Variants in RASAL2 observed in about 807,000 individuals in gnomAD.
The protein encoded by RASAL2 is ras GTPase-activating protein nGAP.
Under a neutral mutation model 128.9 loss-of-function variants are expected in RASAL2, and 58 were observed. The observed-to-expected ratio is 0.45, with a 90% CI of 0.36 to 0.56. The LOEUF is 0.56. Among genes scored for constraint, RASAL2 ranks in the 20% least tolerant of loss-of-function variants. The probability of loss-of-function intolerance (pLI) is 0.00; values close to 1 mark genes in which losing one functional copy is unlikely to be tolerated. For synonymous variants in RASAL2, 561 were observed against 580.8 expected (o/e 0.97, Z 0.49); for missense variants, 1,360 against 1,601.6 (o/e 0.85, Z 2.57).
At chr1:178,398,607 G>C (rs1344701179) in intron 4 of RASAL2, among the ~76,000 whole-genome samples, 1 of 152,122 alleles carries the variant, frequency 6.6e-6, no homozygotes, top group Non-Finnish European at 1.5e-5. Flanking sequence ...CTTTCATTCA[G>C]TCCTCTGTAT....
At chr1:178,264,560 C>T (rs1349513103) in intron 1 of RASAL2, among the ~76,000 whole-genome samples, 1 of 152,014 alleles carries the variant, frequency 6.6e-6, no homozygotes, top group Non-Finnish European at 1.5e-5. Context: ...GTATATAGTA[C>T]TTACTATTAT....
intron 1 of RASAL2, among the ~76,000 whole-genome samples, chr1:178,213,684 A>T (rs1663330129): frequency 6.6e-6 from 1 of 151,410 alleles, no homozygotes; most frequent in Admixed American, 6.6e-5. Context: ...ATTAATTTTT[A>T]AAAAGAGTAA....
chr1:178,190,102 C>T (rs1173784829), intron 1 of RASAL2, among the ~76,000 whole-genome samples: 1 of 152,122 alleles, frequency 6.6e-6, no homozygotes, highest in African/African-American at 2.4e-5. Flanking sequence ...ACCCCACCTT[C>T]CGCAGAAAGA....
Position 178,136,417 on chromosome 1 carries a change from T to C in RASAL2, c.202+41723T>C, listed in dbSNP as rs532076697. On this transcript the variant is annotated intron_variant, in intron 1 of 17. Coordinates refer to ENST00000367649, the MANE Select transcript of RASAL2 (RefSeq NM_170692.4). ...GTTTCTTGTGAAGATTAAAAGAAAT[T>C]ATGTGAAGGGTTTCCCAGTGTTTCT... Among the ~76,000 whole-genome samples the C allele has an allele frequency of 3.0e-4, 46 of 152,208 alleles. 1 individual carries two copies. In the South Asian group the frequency reaches 9.3e-3, roughly 31 times the overall value.
At chr1:178,215,006 G>A (rs1305671719) in intron 1 of RASAL2, among the ~76,000 whole-genome samples, 1 of 152,178 alleles carries the variant, frequency 6.6e-6, no homozygotes, top group Non-Finnish European at 1.5e-5. Flanking sequence ...CTTTGCTGTT[G>A]CTGTAGTACA....
At chr1:178,403,921 T>TTA (rs1673811655) in intron 4 of RASAL2, among the ~76,000 whole-genome samples, 1 of 152,014 alleles carries the variant, frequency 6.6e-6, no homozygotes, top group African/African-American at 2.4e-5. Flanking sequence ...GAGAAAATAT[T>TTA]TACAACATGT....
intron 4 of RASAL2, among the ~76,000 whole-genome samples, chr1:178,397,527 A>C (rs1225051071): frequency 6.6e-6 from 1 of 152,168 alleles, no homozygotes; most frequent in Non-Finnish European, 1.5e-5. Context: ...TTACATAATG[A>C]AAATGTTCAG....
chr1:178,136,618 G>A (rs747309983), intron 1 of RASAL2, among the ~76,000 whole-genome samples: 6 of 151,684 alleles, frequency 4.0e-5, no homozygotes, highest in South Asian at 2.1e-4. Flanking sequence ...TTACCGGGGC[G>A]TGGTGGCGGG....
At chr1:178,411,981 A>G in intron 4 of RASAL2, 2 of 563,180 alleles carry the variant, frequency 3.6e-6, no homozygotes, top group Non-Finnish European at 3.2e-6. Flanking sequence ...GACGGCACCC[A>G]CAGGAAGTGG....
intron 2 of RASAL2, among the ~76,000 whole-genome samples, chr1:178,299,419 G>A (rs889978153): frequency 3.3e-5 from 5 of 152,166 alleles, no homozygotes; most frequent in African/African-American, 7.2e-5. Context: ...AGCTCCAGGA[G>A]CAAGTACGCA....
chr1:178,241,546 C>T (rs1000234053), intron 1 of RASAL2, among the ~76,000 whole-genome samples: 1 of 152,106 alleles, frequency 6.6e-6, no homozygotes, highest in African/African-American at 2.4e-5. Context: ...CTTGAATCCT[C>T]CACTGATCTG....
intron 1 of RASAL2, among the ~76,000 whole-genome samples, chr1:178,250,172 C>T (rs1664975269): frequency 6.6e-6 from 1 of 152,150 alleles, no homozygotes; most frequent in Non-Finnish European, 1.5e-5. Context: ...GAAGCTGCGC[C>T]CACAGCCGCC....
intron 3 of RASAL2, among the ~76,000 whole-genome samples, chr1:178,351,555 C>T (rs182597153): frequency 1.3e-5 from 2 of 152,100 alleles, no homozygotes; most frequent in African/African-American, 4.8e-5. Context: ...CACAGTGAAA[C>T]CCCGTCTCTA....
chr1:178,375,031 G>A (rs1243007615), intron 3 of RASAL2, among the ~76,000 whole-genome samples: 1 of 152,092 alleles, frequency 6.6e-6, no homozygotes, highest in Non-Finnish European at 1.5e-5. Flanking sequence ...CGACAGTGGA[G>A]AAAATGAAAA....
At chr1:178,431,333 C>T (rs1041630198) in intron 5 of RASAL2, among the ~76,000 whole-genome samples, 2 of 151,992 alleles carry the variant, frequency 1.3e-5, no homozygotes, top group Non-Finnish European at 2.9e-5. Flanking sequence ...TGCCAATAAA[C>T]ATGTACAAAT....
chr1:178,271,441 T>C (rs991185741), intron 1 of RASAL2, among the ~76,000 whole-genome samples: 5 of 152,262 alleles, frequency 3.3e-5, no homozygotes, highest in Non-Finnish European at 7.3e-5. Flanking sequence ...ATGTTCAATC[T>C]ACTGTTTTAA....
intron 1 of RASAL2, among the ~76,000 whole-genome samples, chr1:178,151,005 A>G (rs1660896137): frequency 6.6e-6 from 1 of 152,148 alleles, no homozygotes; most frequent in East Asian, 1.9e-4. Flanking sequence ...TGTAAGTGCA[A>G]GAAGGCTATG....
chr1:178,337,754 G>A (rs529157676), intron 3 of RASAL2, among the ~76,000 whole-genome samples: 97 of 151,194 alleles, frequency 6.4e-4, no homozygotes, highest in African/African-American at 2.3e-3. Flanking sequence ...TTTTTGAGAC[G>A]GAGTTTTGCT....
intron 1 of RASAL2, among the ~76,000 whole-genome samples, chr1:178,217,227 G>A (rs564652053): frequency 7.2e-5 from 11 of 152,156 alleles, no homozygotes; most frequent in East Asian, 3.9e-4. Flanking sequence ...TGCCCACCTC[G>A]GCCTCCCAAA....
Sources: gnomAD v4.1 joint callset for allele counts (sites outside exome capture counted in the v4.1 genomes callset) on GRCh38, gnomAD v4.1.1 for gene constraint, MANE v1.5 for transcripts, NCBI Gene and HGNC (gene_info 2026-07-23, HGNC 2026-07-21) for gene names.